The following OVCH1 variants were observed in gnomAD, a reference collection of about 807,000 sequenced individuals.
The protein encoded by OVCH1 is ovochymase 1.
Under a neutral mutation model 138.4 loss-of-function variants are expected in OVCH1, and 139 were observed. The observed-to-expected ratio is 1.00, with a 90% CI of 0.87 to 1.16. OVCH1 has a LOEUF of 1.16. Ranked by LOEUF, OVCH1 falls within the 50% of genes most tolerant of loss-of-function variation. The pLI, the probability that OVCH1 is intolerant of heterozygous loss-of-function variation, is 0.00. For missense variants in OVCH1, 1,367 were observed against 1,357.9 expected, an observed-to-expected ratio of 1.01 and a Z score of -0.11; for synonymous variants, 453 against 467.8, an observed-to-expected ratio of 0.97 and a Z score of 0.41.
chr12:29,445,666 G>A (rs1941594695), intron 22 of OVCH1, among the ~76,000 whole-genome samples: 1 of 151,998 alleles, frequency 6.6e-6, no homozygotes, highest in Non-Finnish European at 1.5e-5. Context: ...AGGACAGTAG[G>A]TAGCAAATTA....
the OVCH1 span, among the ~76,000 whole-genome samples, chr12:29,403,675 G>A: frequency 6.6e-6 from 1 of 152,162 alleles, no homozygotes; most frequent in African/African-American, 2.4e-5. Context: ...ATCCTAAAAT[G>A]TTAAGGTCAA....
chr12:29,424,775 C>T (rs1160608841), downstream of OVCH1, among the ~76,000 whole-genome samples: 4 of 152,128 alleles, frequency 2.6e-5, no homozygotes, highest in Admixed American at 2.0e-4. Context: ...TCTGTCTGTG[C>T]CTCAGTATTC....
intron 8 of OVCH1, among the ~76,000 whole-genome samples, chr12:29,480,361 G>C (rs1472759304): frequency 2.0e-5 from 3 of 152,294 alleles, no homozygotes; most frequent in African/African-American, 7.2e-5. Context: ...TCTTGTATAA[G>C]TGGAACTGTA....
chr12:29,459,737 C>T, intron 19 of OVCH1, among the ~76,000 whole-genome samples: 1 of 151,892 alleles, frequency 6.6e-6, no homozygotes, highest in East Asian at 1.9e-4. Flanking sequence ...AATCTCATGT[C>T]CCCCATAAAT....
chr12:29,433,273 G>A (rs781607975), intron 27 of OVCH1, among the ~76,000 whole-genome samples: 1 of 152,232 alleles, frequency 6.6e-6, no homozygotes, highest in Admixed American at 6.5e-5. Context: ...AATCATGGGG[G>A]TGGGCTTTTC....
At chr12:29,435,149 C>T (rs1244256739) in intron 26 of OVCH1, among the ~76,000 whole-genome samples, 1 of 152,148 alleles carries the variant, frequency 6.6e-6, no homozygotes, top group Non-Finnish European at 1.5e-5. Flanking sequence ...CAGTAATTGC[C>T]ACACAAGTCA....
chr12:29,465,104 A>C (rs994195214), intron 17 of OVCH1, 43 bp downstream of exon 17: 40 of 1,513,244 alleles, frequency 2.6e-5, no homozygotes, highest in Non-Finnish European at 3.5e-5. Context: ...ATGTGACAAC[A>C]TTTAGATTAC....
chr12:29,451,994 C>A (rs1452723499), intron 21 of OVCH1, among the ~76,000 whole-genome samples: 1 of 152,102 alleles, frequency 6.6e-6, no homozygotes, highest in Non-Finnish European at 1.5e-5. Context: ...AGATAACTTG[C>A]TGGATATACT....
chr12:29,488,895 G>A (rs936998665), intron 6 of OVCH1, among the ~76,000 whole-genome samples: 14 of 152,114 alleles, frequency 9.2e-5, no homozygotes, highest in African/African-American at 2.9e-4. Context: ...ATAAGTGTAC[G>A]TTTCAATCTC....
intron 3 of OVCH1, among the ~76,000 whole-genome samples, chr12:29,413,006 T>C (rs1373827396): frequency 6.7e-6 from 1 of 149,654 alleles, no homozygotes; most frequent in Non-Finnish European, 1.5e-5. Flanking sequence ...TGGCATGCAC[T>C]ATCACATCCA....
intron 1 of OVCH1, 126 bp from the exon 2 acceptor site, chr12:29,496,800 C>CCA: frequency 1.5e-6 from 1 of 652,440 alleles, no homozygotes; most frequent in Non-Finnish European, 2.6e-6. Context: ...CTGCAGACTA[C>CCA]CACATTCTTC....
At chr12:29,472,230 T>C (rs370122684) in intron 15 of OVCH1, among the ~76,000 whole-genome samples, 113 of 152,332 alleles carry the variant, frequency 7.4e-4, no homozygotes, top group African/African-American at 2.7e-3. Context: ...ATTTATTTAG[T>C]GCTTGCCATT....
downstream of OVCH1, among the ~76,000 whole-genome samples, chr12:29,426,563 C>T (rs1941182064): frequency 6.6e-6 from 1 of 152,094 alleles, no homozygotes; most frequent in Admixed American, 6.6e-5. Flanking sequence ...TTAGCATGGC[C>T]CAAACAGATA....
chr12:29,429,414 A>T (rs1045097385), intron 27 of OVCH1, among the ~76,000 whole-genome samples: 1 of 152,208 alleles, frequency 6.6e-6, no homozygotes, highest in African/African-American at 2.4e-5. Context: ...CTAATGAAGG[A>T]TCTGATGAGA....
At position 29,487,334 on chromosome 12, in the gene OVCH1, G is replaced by T. The variant is rs114444878; in HGVS notation, c.892+359C>A. The T allele has an allele frequency of 1.2e-3, 215 of 177,080 alleles. 2 individuals carry two copies. Among genetic ancestry groups the T allele is most frequent in the African/African-American group, 4.7e-3 (198 of 42,054 alleles). The allele number at this position is 177,080 out of a possible 1,614,324, so 11.0% of individuals were successfully genotyped here. A position where few individuals can be genotyped will look rare whatever the true frequency, so the allele number is the denominator to read the frequency against. On this transcript the variant is annotated intron_variant, in intron 7 of 27. Transcript: ENST00000318184. The stretch of plus-strand genomic sequence containing the variant: ...CAAGGAAGTTAACAAGGTTGAACAG[G>T]CAAAGTGGGAGATGAGTGATTTATT...
chr12:29,439,420 T>G, exon 26 of OVCH1: 1 of 1,529,910 alleles, frequency 6.5e-7, no homozygotes, highest in Non-Finnish European at 8.8e-7. Flanking sequence ...ATTGCCAGAG[T>G]TCCAGCGAAT....
chr12:29,477,025 A>T, intron 12 of OVCH1, 77 bp downstream of exon 12: 1 of 1,402,068 alleles, frequency 7.1e-7, no homozygotes. Context: ...GCAATTTAAC[A>T]ATCCAGATGA....
In OVCH1 at chr12:29,476,755, GCACACACACACACA is replaced by G. The variant is rs548409739; in HGVS notation, c.1377+333_1377+346del. ...CCAAGCAGCATAAGTACACACGCGC[GCACACACACACACA>G]CACACACACACACACACACACACAC... On this transcript the variant is annotated intron_variant, in intron 12 of 27. Coordinates refer to ENST00000318184, the Ensembl canonical transcript of OVCH1. Among the ~76,000 whole-genome samples, 860 of 103,404 alleles carry G rather than the reference GCACACACACACACA, an allele frequency of 8.3e-3. 11 individuals carry two copies. Among genetic ancestry groups the G allele is most frequent in the East Asian group, 0.014 (55 of 4,014 alleles). 67.8% of individuals were successfully genotyped at this position (103,404 alleles called of 152,430 possible).
intron 7 of OVCH1, among the ~76,000 whole-genome samples, chr12:29,486,567 G>T (rs767455391): frequency 1.3e-5 from 2 of 152,088 alleles, no homozygotes; most frequent in Non-Finnish European, 2.9e-5. Context: ...GGTTAGTGTG[G>T]TTTTAAAAAT....
Sources: gnomAD v4.1 joint callset for allele counts (sites outside exome capture counted in the v4.1 genomes callset) on GRCh38, gnomAD v4.1.1 for gene constraint, MANE v1.5 for transcripts, NCBI Gene and HGNC (gene_info 2026-07-23, HGNC 2026-07-21) for gene names.